IFT88: variants seen among roughly 807,000 people sequenced by gnomAD.
The protein encoded by IFT88 is intraflagellar transport protein 88 homolog.
IFT88 carries 74 observed loss-of-function variants against 119.5 expected under a neutral mutation model. That is an observed-to-expected ratio of 0.62 (90% CI 0.51 to 0.75). IFT88 has a LOEUF of 0.75. Ranked by LOEUF, IFT88 falls within the 30% of genes least tolerant of loss-of-function variation. The probability of loss-of-function intolerance (pLI) is 0.00; values close to 1 mark genes in which losing one functional copy is unlikely to be tolerated. For missense variants in IFT88, 961 were observed against 977.7 expected, an observed-to-expected ratio of 0.98 and a Z score of 0.23; for synonymous variants, 279 against 316.7, an observed-to-expected ratio of 0.88 and a Z score of 1.26.
At chr13:20,616,563 T>C (rs1275131405) in intron 14 of IFT88, among the ~76,000 whole-genome samples, 1 of 152,212 alleles carries the variant, frequency 6.6e-6, no homozygotes, top group Non-Finnish European at 1.5e-5. Context: ...CTAGGTGTGT[T>C]GTAGGCCATG....
intron 15 of IFT88, among the ~76,000 whole-genome samples, chr13:20,628,777 C>T (rs73433324): frequency 2.6e-3 from 401 of 152,090 alleles, no homozygotes; most frequent in African/African-American, 8.8e-3. Context: ...TTGTAAATAC[C>T]TTTGCCAAGT....
intron 9 of IFT88, among the ~76,000 whole-genome samples, chr13:20,597,735 G>T (rs762483340): frequency 2.0e-5 from 3 of 147,978 alleles, no homozygotes; most frequent in African/African-American, 2.5e-5. Context: ...GACAGAGCGA[G>T]ACTCCGTCTC....
At chr13:20,629,514 A>G (rs970891192) in intron 15 of IFT88, among the ~76,000 whole-genome samples, 2 of 152,220 alleles carry the variant, frequency 1.3e-5, no homozygotes. Flanking sequence ...TGAAGTCATC[A>G]AAAACCCTTT....
chr13:20,635,498 A>G (rs9509311), intron 16 of IFT88, among the ~76,000 whole-genome samples: 59,912 of 152,078 alleles, frequency 0.39, 13,748 homozygotes, highest in Non-Finnish European at 0.52. Flanking sequence ...AAAAACGAAT[A>G]TTCCTTGATT....
Position 20,629,763 on chromosome 13 carries a change from AAC to A in IFT88, c.1300-1249_1300-1248del, listed in dbSNP as rs1337351458. On this transcript the variant is annotated intron_variant, in intron 15 of 25. Transcript: ENST00000351808. ...GTAGCTGACAACCATTATAAAAGCT[AAC>A]ACAGTTACTTTTGCTTCTACATAAC... is the stretch of plus-strand genomic sequence containing the variant. 2.6e-5 allele frequency among the ~76,000 whole-genome samples: 4 copies of A among 152,332 alleles called. No homozygotes were observed. In the East Asian group the frequency reaches 7.7e-4, roughly 29 times the overall value.
chr13:20,657,838 A>G (rs1385535086), intron 22 of IFT88, among the ~76,000 whole-genome samples: 1 of 152,162 alleles, frequency 6.6e-6, no homozygotes, highest in Non-Finnish European at 1.5e-5. Flanking sequence ...AATGCATTAC[A>G]ATTTAGTAAA....
rs909335088 is a variant in IFT88 at position 20,659,707 on chromosome 13, G to C, written c.2068+3277G>C. Among the ~76,000 whole-genome samples the C allele has an allele frequency of 5.3e-5, 8 of 151,008 alleles. 1 individual carries two copies. In the South Asian group the frequency reaches 8.4e-4, roughly 16 times the overall value. ...CACCCAGGCTAGAGTGCAGTGGTGC[G>C]ATCTCGGCTCACTGCAACCTCTGCT... On this transcript the variant is annotated intron_variant, in intron 22 of 25. Coordinates refer to ENST00000351808, the MANE Select transcript of IFT88 (RefSeq NM_006531.5).
chr13:20,674,721 TATA>T (rs199972011), intron 24 of IFT88, among the ~76,000 whole-genome samples: 208 of 30,084 alleles, frequency 6.9e-3, no homozygotes, highest in Middle Eastern at 0.026. Context: ...TATATATATA[TATA>T]TTTTTTTTTT....
intron 13 of IFT88, 121 bp downstream of exon 13, chr13:20,605,226 G>A: frequency 2.3e-6 from 1 of 434,898 alleles, no homozygotes; most frequent in Non-Finnish European, 4.1e-6. Context: ...TTATAAAAGG[G>A]TTGAATGTGC....
At chr13:20,625,678 C>A in intron 14 of IFT88, 72 bp from the exon 15 acceptor site, 2 of 1,028,588 alleles carry the variant, frequency 1.9e-6, no homozygotes, top group Middle Eastern at 2.4e-4. Flanking sequence ...TGAAAAGCCA[C>A]ATTTAAGAAA....
At position 20,597,087 on chromosome 13, in the gene IFT88, C is replaced by G; in HGVS notation, c.562C>G (p.Pro188Ala). The change falls in exon 9 of 26, where the codon CCA (proline) becomes GCA (alanine). Residue 188 changes from proline to alanine, a missense_variant. By Grantham distance (27) the Pro-to-Ala change is conservative. Transcript: ENST00000351808. ...GAGACAGCGAGAACAAGTTACAACT[C>G]CAGAAAATATCAATTTGGATTTAAC... is the stretch of plus-strand genomic sequence containing the variant. ...LVRQREQVTTPENINLDLTYS... is the reference protein window; with the variant it reads ...LVRQREQVTTAENINLDLTYS... The G allele has an allele frequency of 6.2e-7, 1 of 1,600,962 alleles. No individual in the cohort carries two copies. The highest frequency in any genetic ancestry group is 8.5e-7 in the Non-Finnish European group (1 of 1,172,658).
At chr13:20,673,245 G>GT (rs5802082) in intron 24 of IFT88, among the ~76,000 whole-genome samples, 24,889 of 151,980 alleles carry the variant, frequency 0.16, 2,382 homozygotes, top group African/African-American at 0.25. Context: ...CTGGTAATTC[G>GT]TAAGTTTATA....
chr13:20,656,249 A>G (rs1246627110), intron 21 of IFT88, 116 bp from the exon 22 acceptor site: 1 of 408,644 alleles, frequency 2.4e-6, no homozygotes, highest in Non-Finnish European at 4.5e-6. Context: ...TATATAAAAC[A>G]TGAAACCTTT....
rs1361682648 is a variant in IFT88, at chr13:20,589,704, T to C, written c.154-107T>C. ...TTAAAAGAAATCATTCTAAGTATTA[T>C]ATAAATATTTCTTTATTTATGAGTC... is the stretch of plus-strand genomic sequence containing the variant. On this transcript the variant is annotated intron_variant, in intron 3 of 25. Transcript: ENST00000351808. The C allele has an allele frequency of 2.0e-4, 100 of 501,806 alleles. 1 individual carries two copies. In the East Asian group the frequency reaches 3.1e-3, roughly 16 times the overall value. The allele number at this position is 501,806 out of a possible 1,614,324, so 31.1% of individuals were successfully genotyped here.
At chr13:20,593,322 A>C (rs2041035521) in intron 7 of IFT88, among the ~76,000 whole-genome samples, 1 of 152,116 alleles carries the variant, frequency 6.6e-6, no homozygotes, top group Non-Finnish European at 1.5e-5. Context: ...TTCCCTATGA[A>C]AACAGAGCTA....
At chr13:20,605,363 A>G (rs747298847) in intron 13 of IFT88, among the ~76,000 whole-genome samples, 14 of 152,058 alleles carry the variant, frequency 9.2e-5, no homozygotes, top group Admixed American at 1.3e-4. Context: ...GCTAATCTCA[A>G]TTACTCAATC....
chr13:20,580,231 T>G (rs371119785), intron 2 of IFT88, among the ~76,000 whole-genome samples: 10 of 152,186 alleles, frequency 6.6e-5, no homozygotes, highest in African/African-American at 2.2e-4. Context: ...TAGAAGTATT[T>G]TCTCTGCCAG....
intron 21 of IFT88, among the ~76,000 whole-genome samples, chr13:20,655,427 A>G (rs1233068642): frequency 6.8e-6 from 1 of 146,202 alleles, no homozygotes; most frequent in African/African-American, 2.5e-5. Context: ...TGGTGACAGA[A>G]CAAGACTCCA....
intron 13 of IFT88, among the ~76,000 whole-genome samples, chr13:20,606,381 C>T (rs1182588126): frequency 6.6e-6 from 1 of 152,146 alleles, no homozygotes; most frequent in Non-Finnish European, 1.5e-5. Context: ...CAAGAACTCC[C>T]ACCCTGCCCA....
Sources: allele counts gnomAD v4.1 joint callset (sites outside exome capture counted in the v4.1 genomes callset), GRCh38; gene constraint gnomAD v4.1.1; transcripts MANE v1.5; gene names NCBI Gene and HGNC (gene_info 2026-07-23, HGNC 2026-07-21).